The following SLC26A8 variants were observed in gnomAD, a reference collection of about 807,000 sequenced individuals.
The protein encoded by SLC26A8 is solute carrier family 26 member 8, also known as testis anion transporter 1.
SLC26A8 carries 70 observed loss-of-function variants against 105.0 expected under a neutral mutation model. The observed-to-expected ratio is 0.67, with a 90% CI of 0.55 to 0.81. SLC26A8 has a LOEUF of 0.81. Ranked by LOEUF, SLC26A8 falls within the 40% of genes least tolerant of loss-of-function variation. The pLI is 0.00. For missense variants in SLC26A8, 998 were observed against 1,181.8 expected (o/e 0.84, Z 2.28); for synonymous variants, 415 against 438.3 (o/e 0.95, Z 0.66).
rs147488560 is a variant in SLC26A8 at position 36,008,295 on chromosome 6, A to AAAAAC, written c.328+3933_328+3937dup. On this transcript the variant is annotated intron_variant, in intron 3 of 19. Transcript: ENST00000490799. ...GGTGACAGAGCAAGATCCTGTCTCT[A>AAAAAC]AAAACAAAACAAAACAAAACAAAAC... Among the ~76,000 whole-genome samples, 1,111 of 152,026 alleles carry AAAAAC rather than the reference A, an allele frequency of 7.3e-3. 22 individuals carry two copies. Among genetic ancestry groups the AAAAAC allele is most frequent in the East Asian group, 0.03 (156 of 5,172 alleles).
chr6:36,012,157 G>GT, intron 3 of SLC26A8, 76 bp downstream of exon 3: 1 of 1,535,208 alleles, frequency 6.5e-7, no homozygotes, highest in Non-Finnish European at 8.8e-7. Flanking sequence ...TGTAGCACAA[G>GT]TAATTGTTTA....
chr6:35,943,924 C>G lies in SLC26A8; in HGVS notation c.2889G>C (p.Glu963Asp). 1 of 1,614,054 alleles carries G rather than the reference C, an allele frequency of 6.2e-7. No individual in the cohort carries two copies. Among genetic ancestry groups the G allele is most frequent in the Non-Finnish European group, 8.5e-7 (1 of 1,179,930 alleles). The change falls in exon 20 of 20, where the codon GAG becomes GAC. Residue 963 changes from glutamate (E) to aspartate (D), a missense_variant. Glu to Asp is a conservative substitution (Grantham distance 45). Coordinates refer to ENST00000490799, the MANE Select transcript of SLC26A8 (RefSeq NM_052961.4). ...RRHPMDSYSP[E>D]GNSNEDV ...CCTAGACATCTTCATTGCTGTTGCC[C>G]TCTGGTGAGTATGAATCCATAGGAT...
intron 17 of SLC26A8, among the ~76,000 whole-genome samples, chr6:35,952,963 G>T (rs371159543): frequency 1.4e-3 from 194 of 139,026 alleles, no homozygotes; most frequent in Middle Eastern, 8.8e-3. Context: ...GCAGTGAGCC[G>T]AGATCATGCC....
At position 35,949,504 on chromosome 6, in the gene SLC26A8, T is replaced by C. The variant is rs182598097; in HGVS notation, c.2472+1659A>G. 7.9e-5 allele frequency among the ~76,000 whole-genome samples: 12 copies of C among 152,080 alleles called. No homozygotes were observed. In the East Asian group the frequency reaches 2.1e-3, roughly 27 times the overall value. On this transcript the variant is annotated intron_variant, in intron 19 of 19. Transcript: ENST00000490799. ...TACATTCTATTTACATTAAAGAGTA[T>C]AACATATAAAAAATAAAAACATAAA...
chr6:35,997,849 C>G lies in SLC26A8; in HGVS notation c.516G>C (p.Leu172=). ...CATTCTTGACGAAAGATCCCATGAC[C>G]AGTTGACCGTTGTTGAATGGGCTCA... The part of the protein sequence containing the change: ...LKVSPFNNGQ[L]VMGSFVKNEF... The change falls in exon 5 of 20, where the codon CTG becomes CTC. Residue 172 remains leucine, a synonymous_variant. Coordinates refer to ENST00000490799, the MANE Select transcript of SLC26A8 (RefSeq NM_052961.4). The G allele has an allele frequency of 6.2e-7, 1 of 1,614,128 alleles. No homozygotes were observed. Among genetic ancestry groups the G allele is most frequent in the Non-Finnish European group, 8.5e-7 (1 of 1,180,000 alleles).
chr6:36,008,144 T>C (rs1450323774), intron 3 of SLC26A8, among the ~76,000 whole-genome samples: 2 of 148,426 alleles, frequency 1.3e-5, no homozygotes, highest in East Asian at 2.0e-4. Flanking sequence ...AAAAATGGTG[T>C]TGAGGCCGGG....
intron 17 of SLC26A8, among the ~76,000 whole-genome samples, chr6:35,952,951 T>C (rs1364263946): frequency 6.8e-6 from 1 of 147,058 alleles, no homozygotes; most frequent in East Asian, 2.0e-4. Flanking sequence ...GAGGTGGAGA[T>C]TGCAGTGAGC....
chr6:35,968,991 G>A (rs1364697786), intron 10 of SLC26A8, 37 bp from the exon 11 acceptor site: 1 of 1,583,672 alleles, frequency 6.3e-7, no homozygotes, highest in Admixed American at 1.7e-5. Flanking sequence ...AAACCATCAG[G>A]AACGTATTGG....
rs114947386 is a variant in SLC26A8, at chr6:36,001,571, C to T, written c.329-1463G>A. Reference sequence around the variant, plus strand: ...TTAGGTTGCAAAAAGACTTTGGTTTCCATCTTGGTTGCTCTCTCATTCAGG... The same window carrying T: ...TTAGGTTGCAAAAAGACTTTGGTTTTCATCTTGGTTGCTCTCTCATTCAGG... On this transcript the variant is annotated intron_variant, in intron 3 of 19. Coordinates refer to ENST00000490799, the MANE Select transcript of SLC26A8 (RefSeq NM_052961.4). 4.1e-3 allele frequency among the ~76,000 whole-genome samples: 621 copies of T among 152,310 alleles called. 3 individuals are homozygous for T. The highest frequency in any genetic ancestry group is 0.014 in the African/African-American group (602 of 41,564).
intron 3 of SLC26A8, 102 bp downstream of exon 3, chr6:36,012,131 A>G: frequency 7.0e-7 from 1 of 1,434,760 alleles, no homozygotes. Flanking sequence ...AAAATTCAAT[A>G]TTTTTTTTCT....
rs771988023 is a variant in SLC26A8 at position 36,014,329 on chromosome 6, C to T, written c.189-1957G>A. On this transcript the variant is annotated intron_variant, in intron 2 of 19. Transcript: ENST00000490799. ...CGGAGTGATGAGGCTTTAAGAGTGA[C>T]AGAAACTAAGGAGGGAATTAGAGGA... is the stretch of plus-strand genomic sequence containing the variant. 2.6e-4 allele frequency among the ~76,000 whole-genome samples: 40 copies of T among 152,154 alleles called. 1 individual carries two copies. The highest frequency in any genetic ancestry group is 9.2e-4 in the Admixed American group (14 of 15,274).
chr6:35,965,339 G>A (rs372860779), intron 11 of SLC26A8, among the ~76,000 whole-genome samples: 37 of 152,074 alleles, frequency 2.4e-4, no homozygotes, highest in African/African-American at 1.4e-4. Context: ...TATAAAAATC[G>A]TTCAGGGCTT....
chr6:36,007,229 T>C (rs1761713784), intron 3 of SLC26A8, among the ~76,000 whole-genome samples: 2 of 152,216 alleles, frequency 1.3e-5, no homozygotes, highest in African/African-American at 2.4e-5. Context: ...TCAATGTAGT[T>C]AATTCCAGGG....
At chr6:35,976,548 C>T (rs1212562263) in intron 9 of SLC26A8, among the ~76,000 whole-genome samples, 1 of 142,050 alleles carries the variant, frequency 7.0e-6, no homozygotes, top group Non-Finnish European at 1.5e-5. Flanking sequence ...TAGAAGCCCT[C>T]GCTTTTTTTT....
At chr6:36,007,939 T>C (rs1406201912) in intron 3 of SLC26A8, among the ~76,000 whole-genome samples, 1 of 150,812 alleles carries the variant, frequency 6.6e-6, no homozygotes, top group African/African-American at 2.4e-5. Context: ...GCTAACGCGG[T>C]GAAACCACGT....
At chr6:35,991,858 C>T in intron 6 of SLC26A8, 50 bp from the exon 7 acceptor site, 3 of 1,492,284 alleles carry the variant, frequency 2.0e-6, no homozygotes, top group East Asian at 2.5e-5. Context: ...TAGTAATTGC[C>T]TAAGTCTAGA....
rs1350499457 is a variant in SLC26A8, at chr6:36,019,447, G to A, written c.188+73C>T. The A allele has an allele frequency of 1.7e-5, 24 of 1,407,910 alleles. No homozygotes were observed. The Admixed American group carries it at 4.6e-4, about 27-fold the overall frequency. 87.2% of individuals were successfully genotyped at this position (1,407,910 alleles called of 1,614,324 possible). ...AGGAACTCAGACAAGAAAGAGAAAC[G>A]GACCCCAAAGGAGTCAGGTTAGGTT... On this transcript the variant is annotated intron_variant, in intron 2 of 19. Transcript: ENST00000490799.
At chr6:35,977,416 T>C in intron 8 of SLC26A8, 65 bp from the exon 9 acceptor site, 3 of 1,513,470 alleles carry the variant, frequency 2.0e-6, no homozygotes, top group African/African-American at 1.4e-5. Context: ...TCCGCCACTC[T>C]ATTCTAACAC....
chr6:35,945,371 A>G (rs1050713185), intron 19 of SLC26A8, among the ~76,000 whole-genome samples: 1 of 152,202 alleles, frequency 6.6e-6, no homozygotes, highest in Non-Finnish European at 1.5e-5. Context: ...AACATTCTGA[A>G]ACATCTTGTC....
Sources: gnomAD v4.1 joint callset for allele counts (sites outside exome capture counted in the v4.1 genomes callset) on GRCh38, gnomAD v4.1.1 for gene constraint, MANE v1.5 for transcripts, NCBI Gene and HGNC (gene_info 2026-07-23, HGNC 2026-07-21) for gene names.